Variants in PDIA6 observed in about 807,000 individuals in gnomAD.
PDIA6 encodes protein disulfide-isomerase A6.
In PDIA6, 29 loss-of-function variants were observed where a neutral mutation model predicts 58.4. That is an observed-to-expected ratio of 0.50 (90% CI 0.37 to 0.68). The LOEUF is 0.68. Among genes scored for constraint, PDIA6 ranks in the 30% least tolerant of loss-of-function variants. The pLI, the probability that PDIA6 is intolerant of heterozygous loss-of-function variation, is 0.00. For synonymous variants in PDIA6, 192 were observed against 202.6 expected (o/e 0.95, Z 0.44); for missense variants, 480 against 551.0 (o/e 0.87, Z 1.29).
intron 4 of PDIA6, among the ~76,000 whole-genome samples, chr2:10,796,491 T>C (rs1158962131): frequency 6.8e-6 from 1 of 147,462 alleles, no homozygotes; most frequent in Non-Finnish European, 1.5e-5. Flanking sequence ...ACAGCAAGAC[T>C]CTGTCTCTTA....
At chr2:10,829,053 C>A (rs1391305450) in intron 1 of PDIA6, among the ~76,000 whole-genome samples, 1 of 152,226 alleles carries the variant, frequency 6.6e-6, no homozygotes, top group Non-Finnish European at 1.5e-5. Flanking sequence ...AGGCACTTTC[C>A]AGGATTGCAC....
At chr2:10,799,994 G>GA (rs199652893) in intron 2 of PDIA6, among the ~76,000 whole-genome samples, 4 of 151,442 alleles carry the variant, frequency 2.6e-5, no homozygotes, top group East Asian at 1.9e-4. Context: ...GAATTTGGAT[G>GA]AAAAAAAAGT....
intron 1 of PDIA6, chr2:10,820,708 C>T (rs1667357890): frequency 1.4e-6 from 1 of 700,334 alleles, no homozygotes; most frequent in Non-Finnish European, 2.6e-6. Context: ...TTCTTTCTAC[C>T]TCCTGTATCA....
intron 2 of PDIA6, chr2:10,819,259 G>T: frequency 6.8e-7 from 1 of 1,476,722 alleles, no homozygotes; most frequent in East Asian, 2.5e-5. Flanking sequence ...TACTCTGGGA[G>T]TTTCCTCTAC....
At chr2:10,833,863 A>G (rs182162797), upstream of PDIA6, among the ~76,000 whole-genome samples, 2 of 152,268 alleles carry the variant, frequency 1.3e-5, no homozygotes, top group East Asian at 3.9e-4. Context: ...AGGTGCCAAG[A>G]CCCTGAAGTG....
intron 6 of PDIA6, 52 bp downstream of exon 6, chr2:10,791,743 A>G: frequency 6.5e-7 from 1 of 1,538,642 alleles, no homozygotes; most frequent in Admixed American, 1.9e-5. Context: ...TAAGCTAATG[A>G]ATGTACTGAA....
chr2:10,791,005 C>T (rs911632426), intron 6 of PDIA6, among the ~76,000 whole-genome samples, 172 bp from the exon 7 acceptor site: 1 of 152,126 alleles, frequency 6.6e-6, no homozygotes, highest in African/African-American at 2.4e-5. Context: ...TGCCACCACC[C>T]ACTGTTAATT....
chr2:10,788,481 C>T (rs966857384), intron 10 of PDIA6, among the ~76,000 whole-genome samples: 10 of 151,800 alleles, frequency 6.6e-5, no homozygotes, highest in African/African-American at 1.9e-4. Flanking sequence ...CATGGTGAAA[C>T]CCTGACCCTA....
chr2:10,786,840 G>A (rs1043505290), intron 11 of PDIA6, among the ~76,000 whole-genome samples: 1 of 152,136 alleles, frequency 6.6e-6, no homozygotes, highest in Non-Finnish European at 1.5e-5. Flanking sequence ...CACATTGTTG[G>A]AGTAACTTAA....
At chr2:10,807,110 C>T (rs574134601) in intron 1 of PDIA6, among the ~76,000 whole-genome samples, 45 of 152,306 alleles carry the variant, frequency 3.0e-4, no homozygotes, top group African/African-American at 1.0e-3. Flanking sequence ...TGCTGATTAC[C>T]TCTAGAACAA....
chr2:10,818,867 C>A (rs1210482757), intron 2 of PDIA6, among the ~76,000 whole-genome samples: 1 of 152,040 alleles, frequency 6.6e-6, no homozygotes. Context: ...TAAATGCGCT[C>A]ACATCGTTGT....
At chr2:10,785,863 A>C (rs1341768192) in intron 11 of PDIA6, among the ~76,000 whole-genome samples, 6 of 152,132 alleles carry the variant, frequency 3.9e-5, no homozygotes, top group South Asian at 2.1e-4. Context: ...CAGGCCTACA[A>C]CACCACACCT....
At chr2:10,801,482 A>G (rs1012297430) in intron 2 of PDIA6, among the ~76,000 whole-genome samples, 4 of 152,228 alleles carry the variant, frequency 2.6e-5, no homozygotes, top group Admixed American at 6.5e-5. Flanking sequence ...AACCACATAC[A>G]GAGACGTTTA....
intron 1 of PDIA6, among the ~76,000 whole-genome samples, chr2:10,828,135 A>T (rs1416215106): frequency 2.0e-5 from 3 of 152,088 alleles, no homozygotes; most frequent in African/African-American, 7.2e-5. Context: ...CACAGTTTAC[A>T]TTAGGGTTCA....
intron 1 of PDIA6, chr2:10,810,204 C>T (rs758295927): frequency 9.4e-7 from 1 of 1,061,348 alleles, no homozygotes; most frequent in South Asian, 1.3e-5. Context: ...CCCATTATTT[C>T]ACAGACCAGG....
upstream of PDIA6, among the ~76,000 whole-genome samples, chr2:10,833,553 G>A (rs1667760128): frequency 6.6e-6 from 1 of 152,170 alleles, no homozygotes; most frequent in South Asian, 2.1e-4. Flanking sequence ...CCAGGTAGAG[G>A]CGGCTGGGCC....
chr2:10,832,918 C>T (rs555329641), upstream of PDIA6, among the ~76,000 whole-genome samples: 1 of 150,534 alleles, frequency 6.6e-6, no homozygotes, highest in African/African-American at 2.5e-5. Flanking sequence ...GCTGGTCCCA[C>T]CCCCCGCCCC....
intron 11 of PDIA6, 24 bp downstream of exon 11, chr2:10,787,253 CAACA>C (rs751477397): frequency 9.4e-5 from 151 of 1,604,836 alleles, no homozygotes; most frequent in South Asian, 1.5e-4. Flanking sequence ...ACAGACAAAA[CAACA>C]AACAACCTAA....
intron 2 of PDIA6, among the ~76,000 whole-genome samples, chr2:10,799,412 T>G (rs1392468518): frequency 1.3e-5 from 2 of 152,352 alleles, no homozygotes; most frequent in South Asian, 4.1e-4. Flanking sequence ...CTCTTGTTAT[T>G]TCATTTTACA....
Sources: allele counts gnomAD v4.1 joint callset (sites outside exome capture counted in the v4.1 genomes callset), GRCh38; gene constraint gnomAD v4.1.1; transcripts MANE v1.5; gene names NCBI Gene and HGNC (gene_info 2026-07-23, HGNC 2026-07-21).